The following RAB7A variants were observed in gnomAD, a reference collection of about 807,000 sequenced individuals.
RAB7A encodes RAB7A, member RAS oncogene family, also known as ras-related protein Rab-7a.
RAB7A carries 2 observed loss-of-function variants against 24.5 expected under a neutral mutation model. The observed-to-expected ratio is 0.08, with a 90% confidence interval of 0.03 to 0.26. The LOEUF (loss-of-function observed/expected upper bound fraction) is 0.26. Among genes scored for constraint, RAB7A ranks in the 10% least tolerant of loss-of-function variants. RAB7A has a pLI of 1.00. For synonymous variants in RAB7A, 100 were observed against 95.9 expected (o/e 1.04, Z -0.25); for missense variants, 118 against 255.7 (o/e 0.46, Z 3.67).
intron 1 of RAB7A, among the ~76,000 whole-genome samples, chr3:128,732,145 T>C (rs2070445140): frequency 6.6e-6 from 1 of 150,720 alleles, no homozygotes. Flanking sequence ...GTTCAAGCAA[T>C]TCTCCTGCCT....
chr3:128,803,004 T>C (rs1378560635), intron 3 of RAB7A, among the ~76,000 whole-genome samples: 1 of 152,114 alleles, frequency 6.6e-6, no homozygotes, highest in Non-Finnish European at 1.5e-5. Flanking sequence ...GAAACGGGGT[T>C]TCACCATGTT....
chr3:128,764,461 G>A, intron 1 of RAB7A: 1 of 764,890 alleles, frequency 1.3e-6, no homozygotes. Flanking sequence ...AAATTAGCCT[G>A]AGGCTTAGTT....
At chr3:128,732,775 T>C (rs1475188548) in intron 1 of RAB7A, among the ~76,000 whole-genome samples, 1 of 151,996 alleles carries the variant, frequency 6.6e-6, no homozygotes, top group Non-Finnish European at 1.5e-5. Context: ...TGCAGTGGTT[T>C]GTGTTCGTGG....
At chr3:128,734,454 CAAAAAAAAAAAAAA>C (rs10524458) in intron 1 of RAB7A, among the ~76,000 whole-genome samples, 2 of 86,880 alleles carry the variant, frequency 2.3e-5, no homozygotes, top group African/African-American at 3.2e-5. Context: ...GACCCTACCT[CAAAAAAAAAAAAAA>C]AAAAAAAAAG....
At chr3:128,795,751 C>CTTTTTTTTTTGTTTTTTTTTTTTTT (rs1933555955) in intron 2 of RAB7A, among the ~76,000 whole-genome samples, 1 of 43,032 alleles carries the variant, frequency 2.3e-5, no homozygotes, top group Non-Finnish European at 4.7e-5. Context: ...AGCAGATGTG[C>CTTTTTTTTTTGTTTTTTTTTTTTTT]TTTTTTTTTT....
chr3:128,798,224 T>A (rs1559795346), intron 3 of RAB7A, 155 bp downstream of exon 3: 2 of 927,048 alleles, frequency 2.2e-6, no homozygotes, highest in African/African-American at 1.7e-5. Context: ...GAATTTCAGA[T>A]CAATAGTGAA....
chr3:128,741,247 C>T (rs1293902978), intron 1 of RAB7A, among the ~76,000 whole-genome samples: 1 of 152,060 alleles, frequency 6.6e-6, no homozygotes, highest in Admixed American at 6.6e-5. Flanking sequence ...TGGCTTGTAT[C>T]TCTTGGTCTT....
intron 4 of RAB7A, 81 bp downstream of exon 4, chr3:128,806,671 C>T: frequency 1.5e-6 from 2 of 1,345,162 alleles, no homozygotes; most frequent in Non-Finnish European, 2.1e-6. Flanking sequence ...CTCTGCTAAG[C>T]TCACATGGCT....
chr3:128,797,815 G>A (rs1933607814), intron 2 of RAB7A, 128 bp from the exon 3 acceptor site: 5 of 1,033,668 alleles, frequency 4.8e-6, no homozygotes, highest in Non-Finnish European at 7.5e-6. Context: ...TACTGGCATT[G>A]CCCTTTGCTG....
chr3:128,759,212 G>T (rs1424839945), intron 1 of RAB7A, among the ~76,000 whole-genome samples: 1 of 152,226 alleles, frequency 6.6e-6, no homozygotes, highest in Admixed American at 6.5e-5. Flanking sequence ...GAGGCAAATG[G>T]TTTAACCTAA....
chr3:128,774,881 A>G (rs1933041238), intron 1 of RAB7A, among the ~76,000 whole-genome samples: 1 of 151,330 alleles, frequency 6.6e-6, no homozygotes, highest in Non-Finnish European at 1.5e-5. Context: ...CTTGGGTTCA[A>G]GTGATTCTTG....
intron 1 of RAB7A, among the ~76,000 whole-genome samples, chr3:128,759,886 T>G (rs2070763625): frequency 1.3e-5 from 2 of 152,112 alleles, no homozygotes; most frequent in Admixed American, 6.5e-5. Context: ...AATTTTGTAT[T>G]TTTAGTAGAG....
At chr3:128,801,961 C>A (rs1933708087) in intron 3 of RAB7A, among the ~76,000 whole-genome samples, 1 of 152,116 alleles carries the variant, frequency 6.6e-6, no homozygotes, top group African/African-American at 2.4e-5. Context: ...GCAGCAGAGC[C>A]CAGCAGGCAG....
At position 128,807,665 on chromosome 3, in the gene RAB7A, T is replaced by C; in HGVS notation, c.522T>C (p.Leu174=). 1 of 1,614,174 alleles carries C rather than the reference T, an allele frequency of 6.2e-7. No homozygotes were observed. Among genetic ancestry groups the C allele is most frequent in the Non-Finnish European group, 8.5e-7 (1 of 1,180,024 alleles). The change falls in exon 5 of 6, where the codon CTT becomes CTC. Residue 174 remains leucine (L), a synonymous_variant. Transcript: ENST00000265062. The part of the protein sequence containing the change: ...QAFQTIARNA[L]KQETEVELYN... Reference sequence around the variant, plus strand: ...TCCAGACGATTGCACGGAATGCACTTAAGCAGGTGGGTCTCCCACAGCTGA... The same window carrying C: ...TCCAGACGATTGCACGGAATGCACTCAAGCAGGTGGGTCTCCCACAGCTGA...
At chr3:128,783,695 T>C (rs1576293487) in intron 1 of RAB7A, among the ~76,000 whole-genome samples, 2 of 152,188 alleles carry the variant, frequency 1.3e-5, no homozygotes, top group Admixed American at 1.3e-4. Flanking sequence ...GCCACCCCCC[T>C]GATGCTTAGC....
Position 128,745,394 on chromosome 3 carries a change from T to G in RAB7A, c.-9+19035T>G, listed in dbSNP as rs544417385. ...TTTTTTTGTTTTGGAGACAGAGTTTTGCTTTGTTGCCCAGGCTGGAGTGCA... is the reference window on the plus strand; with the variant it reads ...TTTTTTTGTTTTGGAGACAGAGTTTGGCTTTGTTGCCCAGGCTGGAGTGCA... On this transcript the variant is annotated intron_variant, in intron 1 of 5. Coordinates refer to ENST00000265062, the MANE Select transcript of RAB7A (RefSeq NM_004637.6). Among the ~76,000 whole-genome samples, 5 of 151,334 alleles carry G rather than the reference T, an allele frequency of 3.3e-5. No individual in the cohort carries two copies. The South Asian group carries it at 1.0e-3, about 32-fold the overall frequency.
chr3:128,773,317 C>T (rs1576288340), intron 1 of RAB7A, among the ~76,000 whole-genome samples: 1 of 151,864 alleles, frequency 6.6e-6, no homozygotes, highest in African/African-American at 2.4e-5. Context: ...CCCCTCCGCC[C>T]GGCAGCCGCC....
At chr3:128,736,157 CTT>C (rs774755621) in intron 1 of RAB7A, among the ~76,000 whole-genome samples, 19 of 144,052 alleles carry the variant, frequency 1.3e-4, no homozygotes, top group South Asian at 1.1e-3. Context: ...TGATTTGTCT[CTT>C]TTTTTTTTTT....
intron 1 of RAB7A, among the ~76,000 whole-genome samples, chr3:128,759,516 C>T (rs1342411180): frequency 6.6e-6 from 1 of 152,176 alleles, no homozygotes; most frequent in Non-Finnish European, 1.5e-5. Flanking sequence ...AAGTTTTAGT[C>T]CTTTTACACT....
Sources: gnomAD v4.1 joint callset for allele counts (sites outside exome capture counted in the v4.1 genomes callset) on GRCh38, gnomAD v4.1.1 for gene constraint, MANE v1.5 for transcripts, NCBI Gene and HGNC (gene_info 2026-07-23, HGNC 2026-07-21) for gene names.